CADPS: variants seen among roughly 807,000 people sequenced by gnomAD.
CADPS encodes calcium-dependent secretion activator 1.
A neutral mutation model predicts 167.3 loss-of-function variants in CADPS; 57 were observed. The observed-to-expected ratio is 0.34, with a 90% CI of 0.28 to 0.42. The LOEUF (loss-of-function observed/expected upper bound fraction) is 0.42, where lower values mean the gene tolerates loss of function less well. Ranked by LOEUF, CADPS falls within the 20% of genes least tolerant of loss-of-function variation. The pLI is 1.00. For synonymous variants in CADPS, 676 were observed against 635.3 expected (o/e 1.06, Z -0.96); for missense variants, 1,414 against 1,738.1 (o/e 0.81, Z 3.32).
chr3:62,407,921 G>C (rs2048227424), intron 28 of CADPS, among the ~76,000 whole-genome samples: 1 of 152,122 alleles, frequency 6.6e-6, no homozygotes, highest in Non-Finnish European at 1.5e-5. Flanking sequence ...TTTTACTAGA[G>C]ATGGGGTTTT....
rs766728659 is a variant in CADPS, at chr3:62,481,821, AAGGTTCACATTGGGT to A, written c.3060_3074del (p.Asn1022_Pro1026del). On this transcript the variant is annotated inframe_deletion, in exon 22 of 30. Transcript: ENST00000383710. ...TAACTGGTAGATTTGGTACTTTGGG[AAGGTTCACATTGGGT>A]AGGTTCACATTGGGTAGGTTACTGG... The A allele has an allele frequency of 8.4e-5, 136 of 1,611,560 alleles. No individual in the cohort carries two copies. Among genetic ancestry groups the A allele is most frequent in the East Asian group, 2.0e-4 (9 of 44,790 alleles).
In CADPS at chr3:62,650,951, G is replaced by A; in HGVS notation, c.1099C>T (p.Leu367Phe). Residue 367 changes from leucine to phenylalanine, a missense_variant, in exon 5 of 30, where the codon CTC becomes TTC. By Grantham distance (22) the Leu-to-Phe change is conservative (BLOSUM62 0). Coordinates refer to ENST00000383710, the MANE Select transcript of CADPS (RefSeq NM_003716.4). ...MPVSKGGEFK[L>F]QKLKRSHNAS... ...TTGTGGCTGCGTTTGAGTTTCTGGA[G>A]CTTGAACTCCCCGCCTTTGGATACC... is the stretch of plus-strand genomic sequence containing the variant. 6.2e-7 allele frequency: 1 copy of A among 1,614,052 alleles called. No individual in the cohort carries two copies. The highest frequency in any genetic ancestry group is 8.5e-7 in the Non-Finnish European group (1 of 1,179,984).
intron 3 of CADPS, among the ~76,000 whole-genome samples, chr3:62,675,721 C>T (rs1175582139): frequency 1.3e-5 from 2 of 152,118 alleles, no homozygotes; most frequent in Non-Finnish European, 2.9e-5. Flanking sequence ...CTGAGAAACA[C>T]TTTAAATGGT....
chr3:62,823,981 T>C (rs931482844), intron 1 of CADPS, among the ~76,000 whole-genome samples: 1 of 151,862 alleles, frequency 6.6e-6, no homozygotes, highest in Admixed American at 6.6e-5. Flanking sequence ...CCATCTGACT[T>C]CTCCTCTTTG....
chr3:62,410,359 G>C (rs1318058516), intron 28 of CADPS, among the ~76,000 whole-genome samples: 2 of 152,218 alleles, frequency 1.3e-5, no homozygotes, highest in Non-Finnish European at 2.9e-5. Flanking sequence ...GGAAAGCAAA[G>C]CATTAAATGC....
At chr3:62,721,000 G>C (rs2075683526) in intron 3 of CADPS, among the ~76,000 whole-genome samples, 1 of 151,096 alleles carries the variant, frequency 6.6e-6, no homozygotes, top group Non-Finnish European at 1.5e-5. Context: ...TGTATTTTTA[G>C]TAGAGACGGG....
intron 6 of CADPS, among the ~76,000 whole-genome samples, chr3:62,598,879 G>A (rs1043642649): frequency 1.3e-5 from 2 of 152,136 alleles, no homozygotes; most frequent in Non-Finnish European, 2.9e-5. Context: ...CTGGTGGGAC[G>A]TTGGGCCACT....
At chr3:62,596,116 C>T (rs1030314876) in intron 6 of CADPS, among the ~76,000 whole-genome samples, 1 of 150,700 alleles carries the variant, frequency 6.6e-6, no homozygotes, top group Non-Finnish European at 1.5e-5. Context: ...CACACACACA[C>T]ACACACACAC....
chr3:62,512,838 G>A (rs1458385171), intron 16 of CADPS, 70 bp from the exon 17 acceptor site: 1 of 1,363,586 alleles, frequency 7.3e-7, no homozygotes, highest in Non-Finnish European at 1.0e-6. Context: ...GAATTAATGA[G>A]CAAGTGGACC....
At chr3:62,626,981 T>G (rs1489541995) in intron 6 of CADPS, among the ~76,000 whole-genome samples, 1 of 152,156 alleles carries the variant, frequency 6.6e-6, no homozygotes, top group South Asian at 2.1e-4. Flanking sequence ...GTCTTACAAG[T>G]AGATATATGT....
Position 62,642,958 on chromosome 3 carries a change from A to AAAACC in CADPS, c.1325+2759_1325+2763dup, listed in dbSNP as rs1406361410. Among the ~76,000 whole-genome samples the AAAACC allele has an allele frequency of 3.8e-3, 550 of 144,432 alleles. 2 individuals are homozygous for AAAACC. Among genetic ancestry groups the AAAACC allele is most frequent in the African/African-American group, 9.0e-3 (351 of 39,214 alleles). The allele number at this position is 144,432 out of a possible 152,430, so 94.8% of individuals were successfully genotyped here. A position where few individuals can be genotyped will look rare whatever the true frequency, so the allele number is the denominator to read the frequency against. ...AAAACAAAACAAAACAAAACAAAAC[A>AAAACC]AAACCCAAACCTCAAAACAAAACAA... On this transcript the variant is annotated intron_variant, in intron 6 of 29. Coordinates refer to ENST00000383710, the MANE Select transcript of CADPS (RefSeq NM_003716.4).
chr3:62,576,581 A>G (rs2082308069), intron 8 of CADPS, among the ~76,000 whole-genome samples: 1 of 151,336 alleles, frequency 6.6e-6, no homozygotes, highest in Non-Finnish European at 1.5e-5. Flanking sequence ...AGTTGAGGTT[A>G]GAAGATTGAG....
At chr3:62,498,655 A>T (rs1019156669) in intron 18 of CADPS, among the ~76,000 whole-genome samples, 5 of 152,124 alleles carry the variant, frequency 3.3e-5, no homozygotes, top group African/African-American at 1.2e-4. Flanking sequence ...CGACAAGTTG[A>T]ACGACACAGA....
intron 1 of CADPS, among the ~76,000 whole-genome samples, chr3:62,800,766 G>A (rs768969616): frequency 4.6e-5 from 7 of 152,106 alleles, no homozygotes; most frequent in Non-Finnish European, 8.8e-5. Flanking sequence ...TGTCATTTTA[G>A]TTAAATGGTT....
chr3:62,471,639 G>T (rs1377608410), intron 24 of CADPS, among the ~76,000 whole-genome samples: 2 of 152,006 alleles, frequency 1.3e-5, no homozygotes, highest in African/African-American at 2.4e-5. Flanking sequence ...AGCTGGGGAG[G>T]GACTGCAAAA....
chr3:62,541,979 A>C (rs980935276), intron 11 of CADPS, among the ~76,000 whole-genome samples: 1 of 152,140 alleles, frequency 6.6e-6, no homozygotes, highest in Non-Finnish European at 1.5e-5. Context: ...ATTTTATTGA[A>C]ATTTTCCTAT....
At chr3:62,856,737 G>A (rs2079763196) in intron 1 of CADPS, among the ~76,000 whole-genome samples, 1 of 151,752 alleles carries the variant, frequency 6.6e-6, no homozygotes, top group South Asian at 2.1e-4. Context: ...TTTGCATTAT[G>A]CATTTAACAC....
At chr3:62,555,707 A>G (rs1487985531) in intron 10 of CADPS, among the ~76,000 whole-genome samples, 4 of 152,130 alleles carry the variant, frequency 2.6e-5, no homozygotes, top group Non-Finnish European at 5.9e-5. Flanking sequence ...TTGGCCCTTT[A>G]GCGTCCCATT....
At position 62,458,340 on chromosome 3, in the gene CADPS, A is replaced by T. The variant is rs2058943460; in HGVS notation, c.3636+7027T>A. On this transcript the variant is annotated intron_variant, in intron 26 of 29. Transcript: ENST00000383710. This position sits in a 1 kb window ranked among gnomAD's most constrained non-coding sequence, Gnocchi z 4.6. ...CTACGTTTCTGTTAGTCTGGGCTTC[A>T]CAGTCACACCTTTATCTTAATCACT... is the stretch of plus-strand genomic sequence containing the variant. 6.6e-6 allele frequency among the ~76,000 whole-genome samples: 1 copy of T among 152,186 alleles called. No homozygotes were observed. The highest frequency in any genetic ancestry group is 1.5e-5 in the Non-Finnish European group (1 of 68,040).
Sources: allele counts gnomAD v4.1 joint callset (sites outside exome capture counted in the v4.1 genomes callset), GRCh38; gene constraint gnomAD v4.1.1; non-coding constraint Gnocchi (gnomAD v3.1); transcripts MANE v1.5; gene names NCBI Gene and HGNC (gene_info 2026-07-23, HGNC 2026-07-21).